Variants in NCS1 observed in about 807,000 individuals in gnomAD.
NCS1 encodes frequenin homolog.
Under a neutral mutation model 28.4 loss-of-function variants are expected in NCS1, and 6 were observed. That is an observed-to-expected ratio of 0.21 (90% CI 0.12 to 0.42). NCS1 has a LOEUF of 0.42. Ranked by LOEUF, NCS1 falls within the 10% of genes least tolerant of loss-of-function variation. The pLI is 1.00. For synonymous variants in NCS1, 86 were observed against 99.3 expected (o/e 0.87, Z 0.79); for missense variants, 131 against 241.4 (o/e 0.54, Z 3.03).
chr9:130,185,385 G>A (rs1327672636), intron 1 of NCS1, among the ~76,000 whole-genome samples: 3 of 152,238 alleles, frequency 2.0e-5, no homozygotes, highest in African/African-American at 7.2e-5. Context: ...TATCCATCTT[G>A]GGCTTTGCTT....
intron 1 of NCS1, among the ~76,000 whole-genome samples, chr9:130,190,356 C>T (rs1208637060): frequency 1.3e-5 from 2 of 152,166 alleles, no homozygotes; most frequent in Non-Finnish European, 2.9e-5. Flanking sequence ...CATACAGCTT[C>T]TCTGAGGCCA....
intron 6 of NCS1, among the ~76,000 whole-genome samples, chr9:130,225,269 G>A (rs1290925573): frequency 2.0e-5 from 3 of 152,256 alleles, no homozygotes; most frequent in African/African-American, 7.2e-5. Flanking sequence ...GGAGACAGCT[G>A]TTTGCCCTAA....
At chr9:130,196,224 C>T (rs1361402245) in intron 1 of NCS1, among the ~76,000 whole-genome samples, 3 of 152,208 alleles carry the variant, frequency 2.0e-5, no homozygotes, top group Non-Finnish European at 2.9e-5. Flanking sequence ...GAGGCAGGCA[C>T]AGTGGTTATG....
chr9:130,228,278 G>A (rs1554911693), intron 7 of NCS1, among the ~76,000 whole-genome samples: 3 of 151,150 alleles, frequency 2.0e-5, no homozygotes, highest in African/African-American at 7.3e-5. Context: ...ACTCAGACGA[G>A]CCTCCCACCT....
intron 2 of NCS1, among the ~76,000 whole-genome samples, chr9:130,216,858 C>G: frequency 7.1e-6 from 1 of 141,608 alleles, no homozygotes; most frequent in South Asian, 2.6e-4. Flanking sequence ...ACCTCTCTCT[C>G]TGGCTTCCCG....
At chr9:130,221,841 T>A (rs1280714288) in intron 4 of NCS1, among the ~76,000 whole-genome samples, 1 of 89,052 alleles carries the variant, frequency 1.1e-5, no homozygotes, top group African/African-American at 4.8e-5. Context: ...TAAATATATA[T>A]ACATAAATAT....
At chr9:130,195,434 T>TG (rs1292473487) in intron 1 of NCS1, among the ~76,000 whole-genome samples, 1 of 149,312 alleles carries the variant, frequency 6.7e-6, no homozygotes, top group Non-Finnish European at 1.5e-5. Flanking sequence ...AGCTGGGCTT[T>TG]GTTTTTTTTT....
At position 130,215,726 on chromosome 9, in the gene NCS1, G is replaced by T. The variant is rs930834759; in HGVS notation, c.90-2106G>T. Among the ~76,000 whole-genome samples, 4 of 152,154 alleles carry T rather than the reference G, an allele frequency of 2.6e-5. No individual in the cohort carries two copies. The highest frequency in any genetic ancestry group is 2.0e-4 in the Admixed American group (3 of 15,270). On this transcript the variant is annotated intron_variant, in intron 2 of 7. Transcript: ENST00000372398. This position sits in a 1 kb window ranked among gnomAD's most constrained non-coding sequence, Gnocchi z 4.2. ...GCTGCTATTATGGGCTGTTACAAAGGCCTGTGGTTCCTGAGCCAGGACCTA... is the reference window on the plus strand; with the variant it reads ...GCTGCTATTATGGGCTGTTACAAAGTCCTGTGGTTCCTGAGCCAGGACCTA...
intron 1 of NCS1, among the ~76,000 whole-genome samples, chr9:130,199,714 G>A (rs1465223135): frequency 1.3e-5 from 2 of 152,218 alleles, no homozygotes; most frequent in Non-Finnish European, 2.9e-5. Context: ...CAGGCTCTTG[G>A]TATTTGGCAG....
chr9:130,207,236 G>A (rs935643193), intron 2 of NCS1, among the ~76,000 whole-genome samples: 1 of 152,180 alleles, frequency 6.6e-6, no homozygotes, highest in Non-Finnish European at 1.5e-5. Flanking sequence ...CTCTGCTAGA[G>A]CTTTGGAAAA....
chr9:130,219,873 G>A lies in NCS1; in HGVS notation c.307+70G>A. ...CCAGGTCAGAGGGAGGCAGCCCTCG[G>A]CCCTCACCAGGCAGGGGTGCCAGAC... On this transcript the variant is annotated intron_variant, in intron 4 of 7. Transcript: ENST00000372398. The surrounding 1 kb of genome is among the most constrained non-coding windows in gnomAD (Gnocchi z 5.7). 1.3e-6 allele frequency: 2 copies of A among 1,508,292 alleles called. No individual in the cohort carries two copies. Among genetic ancestry groups the A allele is most frequent in the Non-Finnish European group, 1.8e-6 (2 of 1,086,394 alleles). The allele number at this position is 1,508,292 out of a possible 1,614,324, so 93.4% of individuals were successfully genotyped here. A position where few individuals can be genotyped will look rare whatever the true frequency, so the allele number is the denominator to read the frequency against.
At chr9:130,207,393 C>G (rs1386832004) in intron 2 of NCS1, among the ~76,000 whole-genome samples, 2 of 152,170 alleles carry the variant, frequency 1.3e-5, no homozygotes, top group African/African-American at 2.4e-5. Context: ...TCACCTGTGC[C>G]GAGCTCATCC....
At chr9:130,185,833 G>A (rs567893736) in intron 1 of NCS1, among the ~76,000 whole-genome samples, 1 of 152,386 alleles carries the variant, frequency 6.6e-6, no homozygotes, top group Admixed American at 6.5e-5. Context: ...AGCCCACACA[G>A]CCTTGCCGGG....
intron 1 of NCS1, among the ~76,000 whole-genome samples, chr9:130,176,297 A>G (rs1482499681): frequency 4.0e-5 from 6 of 150,458 alleles, no homozygotes; most frequent in Middle Eastern, 3.5e-3. Context: ...GGTCCAAGCA[A>G]TCCTCCTGCC....
intron 7 of NCS1, among the ~76,000 whole-genome samples, chr9:130,231,130 C>T (rs1833496083): frequency 6.6e-6 from 1 of 152,106 alleles, no homozygotes; most frequent in Admixed American, 6.5e-5. Context: ...CTGTGTGGAT[C>T]ACTTGAGCCA....
chr9:130,200,904 C>T lies in NCS1; in HGVS notation c.65-54C>T, dbSNP rs1257806830. The stretch of plus-strand genomic sequence containing the variant: ...GGCCCCCCAGCGAATGTCTGCCCAT[C>T]TCCCGGGACACCTTCCCTGAGCTAA... On this transcript the variant is annotated intron_variant, in intron 1 of 7. Coordinates refer to ENST00000372398, the MANE Select transcript of NCS1 (RefSeq NM_014286.4). 2.5e-6 allele frequency: 4 copies of T among 1,611,972 alleles called. No individual in the cohort carries two copies. The Admixed American group carries it at 6.7e-5, about 27-fold the overall frequency.
intron 6 of NCS1, among the ~76,000 whole-genome samples, chr9:130,225,506 C>G (rs145915323): frequency 3.9e-5 from 6 of 152,256 alleles, no homozygotes; most frequent in African/African-American, 9.6e-5. Flanking sequence ...TCTGCACTTC[C>G]GTCATTTTGG....
intron 6 of NCS1, among the ~76,000 whole-genome samples, chr9:130,225,851 G>T (rs1352200584): frequency 6.6e-6 from 1 of 152,172 alleles, no homozygotes; most frequent in African/African-American, 2.4e-5. Context: ...TTCCTTGAGA[G>T]ATGCTCCGGG....
At chr9:130,173,542 A>C (rs1241157540) in intron 1 of NCS1, among the ~76,000 whole-genome samples, 1 of 152,010 alleles carries the variant, frequency 6.6e-6, no homozygotes, top group African/African-American at 2.4e-5. Context: ...GCCTCTCCGG[A>C]GGTGCCCTGG....
Sources: allele counts gnomAD v4.1 joint callset (sites outside exome capture counted in the v4.1 genomes callset), GRCh38; gene constraint gnomAD v4.1.1; non-coding constraint Gnocchi (gnomAD v3.1); transcripts MANE v1.5; gene names NCBI Gene and HGNC (gene_info 2026-07-23, HGNC 2026-07-21).